SLC44A1: variants seen among roughly 807,000 people sequenced by gnomAD.
The protein encoded by SLC44A1 is choline transporter-like protein 1.
Under a neutral mutation model 79.3 loss-of-function variants are expected in SLC44A1, and 26 were observed. The observed-to-expected ratio is 0.33, with a 90% confidence interval of 0.24 to 0.46. The LOEUF is 0.46. Ranked by LOEUF, SLC44A1 falls within the 20% of genes least tolerant of loss-of-function variation. The pLI is 1.00. For missense variants in SLC44A1, 688 were observed against 798.1 expected, an observed-to-expected ratio of 0.86 and a Z score of 1.66; for synonymous variants, 263 against 286.2, an observed-to-expected ratio of 0.92 and a Z score of 0.82.
At chr9:105,420,022 C>T (rs12337845) in intron 15 of SLC44A1, among the ~76,000 whole-genome samples, 6,210 of 152,160 alleles carry the variant, frequency 0.041, 406 homozygotes, top group African/African-American at 0.14. Context: ...TGCTCCTTGC[C>T]CTGTCTTCTG....
Position 105,351,600 on chromosome 9 carries a change from A to AAAGAGAGAAAGAGAG in SLC44A1, c.500+3150_500+3151insAGAGAGAAAGAGAGA, listed in dbSNP as rs1554797164. Among the ~76,000 whole-genome samples the AAAGAGAGAAAGAGAG allele has an allele frequency of 6.9e-5, 3 of 43,186 alleles. 1 individual carries two copies. The highest frequency in any genetic ancestry group is 1.7e-4 in the Non-Finnish European group (3 of 18,022). 28.3% of individuals were successfully genotyped at this position (43,186 alleles called of 152,430 possible). On this transcript the variant is annotated intron_variant, in intron 5 of 15. Transcript: ENST00000374720. ...AGAAAGAGAGAAAGAGAGAAAGAGA[A>AAAGAGAGAAAGAGAG]AGAAAGAAAGAAAGAAAGAAAGAGA...
intron 1 of SLC44A1, 103 bp downstream of exon 1, chr9:105,245,007 C>T (rs1413963665): frequency 6.9e-6 from 3 of 437,190 alleles, no homozygotes; most frequent in Admixed American, 1.0e-4. Flanking sequence ...CCCCAGCCTC[C>T]CCTGAGCGCA....
chr9:105,430,821 T>C (rs1829383029), intron 15 of SLC44A1, among the ~76,000 whole-genome samples: 1 of 152,230 alleles, frequency 6.6e-6, no homozygotes, highest in South Asian at 2.1e-4. Flanking sequence ...ATGGTAATCC[T>C]GTATTTAACT....
At position 105,358,354 on chromosome 9, in the gene SLC44A1, G is replaced by T. The variant is rs777213213; in HGVS notation, c.681G>T (p.Met227Ile). Reference sequence around the variant, plus strand: ...CTATCTTCCCTGCAGTTCTATCCATGATTTTGATGGTGATAATCAGGTATA... The same window carrying T: ...CTATCTTCCCTGCAGTTCTATCCATTATTTTGATGGTGATAATCAGGTATA... ...GLCLLSLVLS[M>I]ILMVIIRYIS... Residue 227 changes from methionine to isoleucine, a missense_variant, in exon 7 of 16, where the codon ATG becomes ATT. Met to Ile is a conservative substitution (Grantham distance 10, BLOSUM62 1). Coordinates refer to ENST00000374720, the MANE Select transcript of SLC44A1 (RefSeq NM_080546.5). 119 of 1,558,350 alleles carry T rather than the reference G, an allele frequency of 7.6e-5. No individual in the cohort carries two copies. In the East Asian group the frequency reaches 2.6e-3, roughly 35 times the overall value.
Position 105,248,549 on chromosome 9 carries a change from A to T in SLC44A1, c.36+3645A>T, listed in dbSNP as rs1456527190. ...GTCTAGTGAGTCAGGGCTCTTAAGGAACTTTTTAAATTATTTTTTAAAAAT... is the reference window on the plus strand; with the variant it reads ...GTCTAGTGAGTCAGGGCTCTTAAGGTACTTTTTAAATTATTTTTTAAAAAT... On this transcript the variant is annotated intron_variant, in intron 1 of 15. Transcript: ENST00000374720. 2.0e-5 allele frequency among the ~76,000 whole-genome samples: 3 copies of T among 152,176 alleles called. No individual in the cohort carries two copies. In the East Asian group the frequency reaches 5.8e-4, roughly 29 times the overall value.
intron 4 of SLC44A1, among the ~76,000 whole-genome samples, chr9:105,336,397 A>ATC (rs1254585750): frequency 6.6e-6 from 1 of 152,180 alleles, no homozygotes. Context: ...AAACTAACAT[A>ATC]GTTTCCTGAA....
intron 5 of SLC44A1, 68 bp downstream of exon 5, chr9:105,348,519 G>C: frequency 3.1e-6 from 3 of 964,436 alleles, no homozygotes; most frequent in Non-Finnish European, 5.0e-6. Flanking sequence ...AACAATATAT[G>C]TTATTCTGAG....
rs146164989 is a variant in SLC44A1 at position 105,374,657 on chromosome 9, C to T, written c.1554C>T (p.Ala518=). The part of the protein sequence containing the change: ...STNFCTSAKD[A]FVILVENALR... ...ACTTCTGCACCTCAGCAAAGGATGCCTTTGTCATTCTGGTGGAGAATGCTT... is the reference window on the plus strand; with the variant it reads ...ACTTCTGCACCTCAGCAAAGGATGCTTTTGTCATTCTGGTGGAGAATGCTT... Residue 518 remains alanine, a synonymous_variant, in exon 13 of 16, where the codon GCC becomes GCT. Coordinates refer to ENST00000374720, the MANE Select transcript of SLC44A1 (RefSeq NM_080546.5). 4,088 of 1,613,804 alleles carry T rather than the reference C, an allele frequency of 2.5e-3. 8 individuals are homozygous for T. The highest frequency in any genetic ancestry group is 3.2e-3 in the Non-Finnish European group (3,760 of 1,179,714).
At chr9:105,271,295 C>T (rs328018) in intron 1 of SLC44A1, among the ~76,000 whole-genome samples, 32,748 of 152,076 alleles carry the variant, frequency 0.22, 6,292 homozygotes, top group African/African-American at 0.52. Flanking sequence ...TTCTGACAAA[C>T]CCTTACTCTC....
At chr9:105,267,463 T>C (rs2131223671) in intron 1 of SLC44A1, among the ~76,000 whole-genome samples, 1 of 152,316 alleles carries the variant, frequency 6.6e-6, no homozygotes, top group Non-Finnish European at 1.5e-5. Flanking sequence ...TCCCCGTTTC[T>C]GAATTTTCTT....
chr9:105,421,537 C>T (rs532692903), intron 15 of SLC44A1, among the ~76,000 whole-genome samples: 1 of 151,636 alleles, frequency 6.6e-6, no homozygotes, highest in South Asian at 2.1e-4. Context: ...AGCAGCGACA[C>T]TCATAATCCA....
intron 10 of SLC44A1, among the ~76,000 whole-genome samples, chr9:105,365,188 C>G (rs1359853118): frequency 6.6e-6 from 1 of 152,140 alleles, no homozygotes; most frequent in African/African-American, 2.4e-5. Context: ...ATTCTGTTTT[C>G]TGATGACCCC....
intron 15 of SLC44A1, chr9:105,438,152 G>T: frequency 1.4e-6 from 1 of 692,756 alleles, no homozygotes; most frequent in Non-Finnish European, 2.5e-6. Context: ...GTGTGTGTGT[G>T]TAGCCTTCTT....
chr9:105,405,846 G>A (rs746591646), intron 15 of SLC44A1, among the ~76,000 whole-genome samples: 9 of 152,094 alleles, frequency 5.9e-5, no homozygotes, highest in Admixed American at 1.3e-4. Context: ...TGCGGCAAAC[G>A]GCAGACAGAT....
In SLC44A1 at chr9:105,394,581, A is replaced by T; in HGVS notation, c.*5525A>T. 1.0e-6 allele frequency: 1 copy of T among 985,234 alleles called. No individual in the cohort carries two copies. Among genetic ancestry groups the T allele is most frequent in the Non-Finnish European group, 1.2e-6 (1 of 829,868 alleles). 61.0% of individuals were successfully genotyped at this position (985,234 alleles called of 1,614,324 possible). A position where few individuals can be genotyped will look rare whatever the true frequency, so the allele number is the denominator to read the frequency against. On this transcript the variant is annotated 3_prime_UTR_variant, in exon 16 of 16. Coordinates refer to ENST00000374720, the MANE Select transcript of SLC44A1 (RefSeq NM_080546.5). ...ATTAATCCATCTACCAAAACACTTG[A>T]TTCTTTTTATTGTAGCTCAGCTATG...
rs1828866780 is a variant in SLC44A1, at chr9:105,395,906, T to A, written c.*6850T>A. 1.0e-5 allele frequency: 10 copies of A among 985,038 alleles called. No homozygotes were observed. The highest frequency in any genetic ancestry group is 1.2e-5 in the Non-Finnish European group (10 of 829,674). The allele number at this position is 985,038 out of a possible 1,614,324, so 61.0% of individuals were successfully genotyped here. The stretch of plus-strand genomic sequence containing the variant: ...TGATAATCCGGTGGTGACTTTTTTT[T>A]TTTTTTTGTAAATTGTATTAGATAC... On this transcript the variant is annotated 3_prime_UTR_variant, in exon 16 of 16. Coordinates refer to ENST00000374720, the MANE Select transcript of SLC44A1 (RefSeq NM_080546.5).
intron 15 of SLC44A1, among the ~76,000 whole-genome samples, chr9:105,414,048 TG>T (rs1009186881): frequency 6.9e-6 from 1 of 144,930 alleles, no homozygotes; most frequent in Non-Finnish European, 1.5e-5. Context: ...AGTTAGTGTT[TG>T]GTTTTTTTTT....
intron 15 of SLC44A1, among the ~76,000 whole-genome samples, chr9:105,415,023 G>A (rs1678744275): frequency 6.6e-6 from 1 of 152,118 alleles, no homozygotes; most frequent in African/African-American, 2.4e-5. Flanking sequence ...GAAAGGAAAG[G>A]TCAAGACTTT....
At chr9:105,295,539 T>C (rs1372772185) in intron 1 of SLC44A1, among the ~76,000 whole-genome samples, 1 of 152,222 alleles carries the variant, frequency 6.6e-6, no homozygotes, top group Non-Finnish European at 1.5e-5. Context: ...TTATTAAAAA[T>C]TTTCAACTCT....
Sources: allele counts gnomAD v4.1 joint callset (sites outside exome capture counted in the v4.1 genomes callset), GRCh38; gene constraint gnomAD v4.1.1; transcripts MANE v1.5; gene names NCBI Gene and HGNC (gene_info 2026-07-23, HGNC 2026-07-21).